CHSY3: variants seen among roughly 807,000 people sequenced by gnomAD.
The protein encoded by CHSY3 is chondroitin sulfate synthase 3.
CHSY3 carries 35 observed loss-of-function variants against 67.2 expected under a neutral mutation model. The observed-to-expected ratio is 0.52, with a 90% CI of 0.40 to 0.69. CHSY3 has a LOEUF of 0.69. CHSY3 is among the 30% of genes least tolerant of loss of function. The pLI, the probability that CHSY3 is intolerant of heterozygous loss-of-function variation, is 0.00. For synonymous variants in CHSY3, 474 were observed against 434.7 expected (o/e 1.09, Z -1.12); for missense variants, 1,069 against 1,138.5 (o/e 0.94, Z 0.88).
chr5:129,936,352 C>T (rs906222828), intron 2 of CHSY3, among the ~76,000 whole-genome samples: 7 of 151,944 alleles, frequency 4.6e-5, no homozygotes, highest in Non-Finnish European at 1.0e-4. Flanking sequence ...TTCACAGAAT[C>T]CTCACATAGC....
chr5:130,169,016 G>A (rs1769825892), intron 2 of CHSY3, among the ~76,000 whole-genome samples: 1 of 152,230 alleles, frequency 6.6e-6, no homozygotes, highest in East Asian at 1.9e-4. Context: ...AGGAGAGGGA[G>A]CCAAACTGTT....
chr5:130,160,990 C>T (rs1769524596), intron 2 of CHSY3, among the ~76,000 whole-genome samples: 1 of 151,288 alleles, frequency 6.6e-6, no homozygotes, highest in African/African-American at 2.4e-5. Context: ...CTGCAAGCTC[C>T]ACCTCCCGGG....
Position 129,918,878 on chromosome 5 carries a change from C to T in CHSY3, c.1086+10518C>T, listed in dbSNP as rs76767000. On this transcript the variant is annotated intron_variant, in intron 2 of 2. Coordinates refer to ENST00000305031, the MANE Select transcript of CHSY3 (RefSeq NM_175856.5). ...ATCCCAGCACTTTGGGAGGCCGAGG[C>T]GGGTGGATCATGAGGTCAGGAGATC... is the stretch of plus-strand genomic sequence containing the variant. Among the ~76,000 whole-genome samples the T allele has an allele frequency of 3.3e-3, 489 of 149,302 alleles. 3 individuals are homozygous for T. Among genetic ancestry groups the T allele is most frequent in the Admixed American group, 9.1e-3 (136 of 14,988 alleles).
chr5:130,034,095 C>G (rs942786072), intron 2 of CHSY3, among the ~76,000 whole-genome samples: 3 of 152,056 alleles, frequency 2.0e-5, no homozygotes, highest in African/African-American at 7.2e-5. Flanking sequence ...TAACGTTCCC[C>G]AGATGTTTGT....
At chr5:130,181,751 T>G (rs912976849) in intron 2 of CHSY3, among the ~76,000 whole-genome samples, 3 of 152,146 alleles carry the variant, frequency 2.0e-5, no homozygotes, top group Non-Finnish European at 4.4e-5. Flanking sequence ...ATAGGTTAGC[T>G]TTACCTGTTT....
rs549055002 is a variant in CHSY3, at chr5:129,997,738, A to G, written c.1086+89378A>G. Among the ~76,000 whole-genome samples the G allele has an allele frequency of 4.6e-5, 7 of 151,928 alleles. No individual in the cohort carries two copies. In the East Asian group the frequency reaches 1.4e-3, roughly 29 times the overall value. ...TGTTCTCATTGTTCAATTCCCATCT[A>G]TGAGTGAGAACATGCGGTGTTTGAT... On this transcript the variant is annotated intron_variant, in intron 2 of 2. Coordinates refer to ENST00000305031, the MANE Select transcript of CHSY3 (RefSeq NM_175856.5).
intron 2 of CHSY3, among the ~76,000 whole-genome samples, chr5:130,163,050 G>A (rs1323874639): frequency 2.0e-5 from 3 of 152,108 alleles, no homozygotes; most frequent in Non-Finnish European, 2.9e-5. Context: ...CATGCACTTC[G>A]TGATGCCCAG....
chr5:130,104,591 G>A (rs1767355779), intron 2 of CHSY3, among the ~76,000 whole-genome samples: 1 of 151,640 alleles, frequency 6.6e-6, no homozygotes, highest in African/African-American at 2.4e-5. Context: ...GAAGAAGGAA[G>A]GACTGGAAGA....
At chr5:129,962,089 C>T (rs550126125) in intron 2 of CHSY3, among the ~76,000 whole-genome samples, 3 of 151,952 alleles carry the variant, frequency 2.0e-5, no homozygotes, top group Admixed American at 2.0e-4. Flanking sequence ...GTATCCCCAA[C>T]CCTCTCAGAA....
chr5:129,914,643 C>T (rs1760680088), intron 2 of CHSY3, among the ~76,000 whole-genome samples: 1 of 152,168 alleles, frequency 6.6e-6, no homozygotes, highest in Non-Finnish European at 1.5e-5. Flanking sequence ...CAGATGAAAT[C>T]ATCATGCATC....
intron 2 of CHSY3, among the ~76,000 whole-genome samples, chr5:129,987,245 G>C (rs905429584): frequency 4.6e-5 from 7 of 152,034 alleles, no homozygotes; most frequent in Admixed American, 2.0e-4. Flanking sequence ...AAATTCTGTA[G>C]GCCATATGGA....
At chr5:130,007,675 A>C (rs756069578) in intron 2 of CHSY3, among the ~76,000 whole-genome samples, 13 of 152,140 alleles carry the variant, frequency 8.5e-5, no homozygotes, top group Non-Finnish European at 1.6e-4. Flanking sequence ...CAGTATTATG[A>C]AGCCCAGAGA....
chr5:130,184,722 G>T lies in CHSY3; in HGVS notation c.1580G>T (p.Arg527Leu), dbSNP rs200876793. 7.5e-6 allele frequency: 12 copies of T among 1,607,186 alleles called. No individual in the cohort carries two copies. In the South Asian group the frequency reaches 7.7e-5, roughly 10 times the overall value. Residue 527 changes from arginine (R) to leucine (L), a missense_variant, in exon 3 of 3, where the codon CGC becomes CTC. By Grantham distance (102) the Arg-to-Leu change is moderately radical. This residue lies in a region of CHSY3 where 401 missense variants were observed against 395.2 expected (regional missense o/e 1.01). Coordinates refer to ENST00000305031, the MANE Select transcript of CHSY3 (RefSeq NM_175856.5). ...IDFKEIQYGYRRVNPMHGVEY... is the reference protein window; with the variant it reads ...IDFKEIQYGYLRVNPMHGVEY... The stretch of plus-strand genomic sequence containing the variant: ...TTCAAGGAAATTCAGTATGGCTACC[G>T]CAGAGTTAACCCCATGCACGGGGTG...
chr5:130,184,319 C>A lies in CHSY3; in HGVS notation c.1177C>A (p.Leu393Ile). The A allele has an allele frequency of 6.2e-7, 1 of 1,614,104 alleles. No individual in the cohort carries two copies. The highest frequency in any genetic ancestry group is 8.5e-7 in the Non-Finnish European group (1 of 1,180,004). ...HNSKIHAAIT[L>I]HPNKRPAYQY... ...TAGCAAAATCCATGCAGCCATAACACTTCATCCCAACAAAAGGCCTGCATA... is the reference window on the plus strand; with the variant it reads ...TAGCAAAATCCATGCAGCCATAACAATTCATCCCAACAAAAGGCCTGCATA... Residue 393 changes from leucine (L) to isoleucine (I), a missense_variant, in exon 3 of 3, where the codon CTT (leucine) becomes ATT (isoleucine). Physicochemically the swap from Leu to Ile is conservative, Grantham distance 5. Around this residue, in one of 5 missense-constraint regions of CHSY3, gnomAD observed 216 missense variants for 311.5 expected, o/e 0.69. Coordinates refer to ENST00000305031, the MANE Select transcript of CHSY3 (RefSeq NM_175856.5).
chr5:130,164,399 T>A (rs138057318), intron 2 of CHSY3, among the ~76,000 whole-genome samples: 3 of 152,104 alleles, frequency 2.0e-5, no homozygotes, highest in Non-Finnish European at 4.4e-5. Flanking sequence ...AAGAAGTCTA[T>A]ATATCAGGAA....
chr5:129,905,814 T>A (rs1760269068), intron 1 of CHSY3, 183 bp downstream of exon 1: 1 of 1,289,946 alleles, frequency 7.8e-7, no homozygotes, highest in African/African-American at 1.5e-5. Flanking sequence ...CCGTTCCTCG[T>A]CTTCTGCAAT....
chr5:130,051,213 A>G (rs1201659469), intron 2 of CHSY3, among the ~76,000 whole-genome samples: 1 of 152,040 alleles, frequency 6.6e-6, no homozygotes, highest in Non-Finnish European at 1.5e-5. Flanking sequence ...GGGAAACGTC[A>G]TATTATGTTG....
intron 2 of CHSY3, among the ~76,000 whole-genome samples, chr5:130,177,655 C>T (rs1235799363): frequency 6.6e-6 from 1 of 152,028 alleles, no homozygotes; most frequent in Non-Finnish European, 1.5e-5. Flanking sequence ...TATCACTGTC[C>T]TCCCAGGAGG....
chr5:130,120,672 A>C (rs1767985296), intron 2 of CHSY3, among the ~76,000 whole-genome samples: 1 of 152,082 alleles, frequency 6.6e-6, no homozygotes, highest in Non-Finnish European at 1.5e-5. Flanking sequence ...ATGAGTGTGA[A>C]AAGTGTGTAA....
Sources: gnomAD v4.1 joint callset for allele counts (sites outside exome capture counted in the v4.1 genomes callset) on GRCh38, gnomAD v4.1.1 for gene constraint, gnomAD v4.1.1 regional missense constraint, MANE v1.5 for transcripts, NCBI Gene and HGNC (gene_info 2026-07-23, HGNC 2026-07-21) for gene names.